HEG1: variants seen among roughly 807,000 people sequenced by gnomAD.
The protein encoded by HEG1 is protein HEG homolog 1.
A neutral mutation model predicts 125.6 loss-of-function variants in HEG1; 56 were observed. That is an observed-to-expected ratio of 0.45 (90% CI 0.36 to 0.56). The LOEUF (loss-of-function observed/expected upper bound fraction) is 0.56. Ranked by LOEUF, HEG1 falls within the 20% of genes least tolerant of loss-of-function variation. HEG1 has a pLI of 0.00. For missense variants in HEG1, 1,523 were observed against 1,670.0 expected (o/e 0.91, Z 1.53); for synonymous variants, 644 against 668.5 (o/e 0.96, Z 0.57).
intron 1 of HEG1, among the ~76,000 whole-genome samples, chr3:125,034,402 T>C (rs1937534075): frequency 6.6e-6 from 1 of 151,216 alleles, no homozygotes; most frequent in Non-Finnish European, 1.5e-5. Context: ...CCCAAAATAT[T>C]TGAAAGAAAG....
intron 1 of HEG1, among the ~76,000 whole-genome samples, chr3:125,049,511 C>A (rs965594758): frequency 6.6e-6 from 1 of 152,208 alleles, no homozygotes. Context: ...TAGTTCAGTT[C>A]CACATTCTCA....
intron 2 of HEG1, among the ~76,000 whole-genome samples, chr3:125,028,807 A>T (rs1937454198): frequency 6.6e-6 from 1 of 152,016 alleles, no homozygotes; most frequent in Non-Finnish European, 1.5e-5. Flanking sequence ...AAAATAGCAA[A>T]CCACCAAGCT....
intron 2 of HEG1, 39 bp downstream of exon 2, chr3:125,029,156 C>T: frequency 6.3e-7 from 1 of 1,584,134 alleles, no homozygotes; most frequent in South Asian, 1.2e-5. Context: ...CAGGACTGGA[C>T]ACACATGCGT....
chr3:124,999,248 T>A (rs1936967245), intron 11 of HEG1, among the ~76,000 whole-genome samples: 1 of 152,214 alleles, frequency 6.6e-6, no homozygotes, highest in Non-Finnish European at 1.5e-5. Context: ...ACCACATTTG[T>A]GTGTGTGACA....
At chr3:124,995,840 A>G (rs1006818349) in intron 12 of HEG1, among the ~76,000 whole-genome samples, 2 of 152,238 alleles carry the variant, frequency 1.3e-5, no homozygotes, top group African/African-American at 4.8e-5. Flanking sequence ...TTTCACAGCT[A>G]TTGTTAATGC....
At chr3:124,995,620 C>A (rs1428824190) in intron 12 of HEG1, among the ~76,000 whole-genome samples, 1 of 152,220 alleles carries the variant, frequency 6.6e-6, no homozygotes, top group Non-Finnish European at 1.5e-5. Context: ...TCACTGCTAA[C>A]CCATCAGAAC....
chr3:124,996,404 G>A (rs138188176), intron 12 of HEG1, among the ~76,000 whole-genome samples: 2 of 152,222 alleles, frequency 1.3e-5, no homozygotes, highest in Non-Finnish European at 2.9e-5. Flanking sequence ...TTTCTAAGAG[G>A]TGCAAGGAAC....
At chr3:125,002,182 T>C (rs1937010952) in intron 10 of HEG1, 75 bp downstream of exon 10, 1 of 1,523,606 alleles carries the variant, frequency 6.6e-7, no homozygotes, top group Non-Finnish European at 9.1e-7. Context: ...CCCGGTTTTG[T>C]TGCTATCACC....
chr3:125,019,283 C>T lies in HEG1; in HGVS notation c.1567G>A (p.Ala523Thr). The change falls in exon 5 of 17, where the codon GCA (alanine) becomes ACA (threonine). Residue 523 changes from alanine (A) to threonine (T), a missense_variant. Physicochemically the swap from Ala to Thr is moderately conservative, Grantham distance 58. Transcript: ENST00000311127. The stretch of plus-strand genomic sequence containing the variant: ...TCACTCGAACGTTCTCCACGTGGTG[C>T]TGATGAATTCAAGCTTTCCGAGGAA... ...TSSSESLNSS[A>T]PRGERSIAGI... 2 of 1,611,186 alleles carry T rather than the reference C, an allele frequency of 1.2e-6. No homozygotes were observed. Among genetic ancestry groups the T allele is most frequent in the Non-Finnish European group, 1.7e-6 (2 of 1,177,432 alleles).
intron 10 of HEG1, 31 bp from the exon 11 acceptor site, chr3:125,002,043 C>T (rs1236517167): frequency 5.6e-6 from 9 of 1,612,348 alleles, no homozygotes; most frequent in South Asian, 1.1e-5. Context: ...TTTTTAACAG[C>T]CCTGAAATGA....
intron 16 of HEG1, among the ~76,000 whole-genome samples, chr3:124,971,358 G>T (rs1393695827): frequency 2.0e-5 from 3 of 152,150 alleles, no homozygotes; most frequent in African/African-American, 4.8e-5. Context: ...CTTAGGCTCT[G>T]CCTCTACAGA....
In HEG1 at chr3:125,055,683, G is replaced by A; in HGVS notation, c.208C>T (p.Arg70Trp). 1.8e-6 allele frequency: 2 copies of A among 1,128,784 alleles called. No individual in the cohort carries two copies. The highest frequency in any genetic ancestry group is 2.2e-6 in the Non-Finnish European group (2 of 922,886). 69.9% of individuals were successfully genotyped at this position (1,128,784 alleles called of 1,614,324 possible). A position where few individuals can be genotyped will look rare whatever the true frequency, so the allele number is the denominator to read the frequency against. ...GGGGTCGCGGGCCCGCGGCGCTCCC[G>A]GGGCGGCGTGGGCGGCGGCTCGCGC... ...PEREPPPTPPRERRGPATPGP... is the reference protein window; with the variant it reads ...PEREPPPTPPWERRGPATPGP... Residue 70 changes from arginine (R) to tryptophan (W), a missense_variant, in exon 1 of 17, where the codon CGG (arginine) becomes TGG (tryptophan). Coordinates refer to ENST00000311127, the MANE Select transcript of HEG1 (RefSeq NM_020733.2).
chr3:125,014,070 G>A, intron 5 of HEG1, 80 bp from the exon 6 acceptor site: 2 of 1,285,704 alleles, frequency 1.6e-6, no homozygotes, highest in Non-Finnish European at 2.1e-6. Flanking sequence ...CAGACTTTCA[G>A]TGTCATGAAA....
At chr3:124,990,750 C>T (rs1936819480) in intron 14 of HEG1, 37 bp downstream of exon 14, 1 of 1,551,556 alleles carries the variant, frequency 6.4e-7, no homozygotes, top group Non-Finnish European at 8.7e-7. Flanking sequence ...GGGCCAGGCC[C>T]CTGCCCACGC....
rs1936381004 is a variant in HEG1, at chr3:124,969,278, C to G, written c.*1374G>C. 1 of 152,096 alleles carries G rather than the reference C, an allele frequency of 6.6e-6. No individual in the cohort carries two copies. Among genetic ancestry groups the G allele is most frequent in the African/African-American group, 2.4e-5 (1 of 41,402 alleles). 9.4% of individuals were successfully genotyped at this position (152,096 alleles called of 1,614,324 possible). On this transcript the variant is annotated 3_prime_UTR_variant, in exon 17 of 17. Transcript: ENST00000311127. The stretch of plus-strand genomic sequence containing the variant: ...AAAGACACCGAGTACTGGATGTCTC[C>G]CTGGCAGGACCCACATCACAGGCAT...
chr3:124,981,672 G>A (rs1936656190), intron 14 of HEG1, among the ~76,000 whole-genome samples: 1 of 152,186 alleles, frequency 6.6e-6, no homozygotes, highest in African/African-American at 2.4e-5. Context: ...ACACAGGAGA[G>A]GAAAGAGCAC....
At chr3:125,050,474 C>T (rs1388646176) in intron 1 of HEG1, among the ~76,000 whole-genome samples, 1 of 152,164 alleles carries the variant, frequency 6.6e-6, no homozygotes, top group Non-Finnish European at 1.5e-5. Context: ...ATCCACATCC[C>T]AGTCAACTTT....
At chr3:125,040,797 A>G (rs1245793558) in intron 1 of HEG1, among the ~76,000 whole-genome samples, 1 of 152,036 alleles carries the variant, frequency 6.6e-6, no homozygotes, top group Non-Finnish European at 1.5e-5. Context: ...AGAGGGGCAG[A>G]CTACTGTTCA....
chr3:125,040,561 T>C (rs753590827), intron 1 of HEG1, among the ~76,000 whole-genome samples: 1 of 152,260 alleles, frequency 6.6e-6, no homozygotes, highest in East Asian at 1.9e-4. Flanking sequence ...GATCCTCAAT[T>C]TGGGGACTGG....
Sources: allele counts gnomAD v4.1 joint callset (sites outside exome capture counted in the v4.1 genomes callset), GRCh38; gene constraint gnomAD v4.1.1; transcripts MANE v1.5; gene names NCBI Gene and HGNC (gene_info 2026-07-23, HGNC 2026-07-21).